Variants in IGFL2 observed in about 807,000 individuals in gnomAD.
The protein encoded by IGFL2 is insulin growth factor-like family member 2.
IGFL2 carries 7 observed loss-of-function variants against 13.9 expected under a neutral mutation model. The ratio of observed to expected loss-of-function variants is 0.51; its 90% CI spans 0.29 to 0.95. The LOEUF is 0.95. Among genes scored for constraint, IGFL2 ranks in the 40% least tolerant of loss-of-function variants. IGFL2 has a pLI of 0.08. For synonymous variants in IGFL2, 55 were observed against 55.8 expected (o/e 0.99, Z 0.07); for missense variants, 138 against 147.8 (o/e 0.93, Z 0.34).
intron 1 of IGFL2, among the ~76,000 whole-genome samples, chr19:46,153,672 T>C (rs920866148): frequency 3.3e-5 from 5 of 152,104 alleles, no homozygotes; most frequent in African/African-American, 1.2e-4. Context: ...CTTATATAAT[T>C]ACACAATTCT....
upstream of IGFL2, among the ~76,000 whole-genome samples, chr19:46,139,166 T>G (rs963690611): frequency 6.6e-6 from 1 of 151,758 alleles, no homozygotes; most frequent in Non-Finnish European, 1.5e-5. Context: ...GTGCAGGGTT[T>G]CCAGCTTCCT....
At chr19:46,133,872 T>C in the IGFL2 span, among the ~76,000 whole-genome samples, 26 of 152,262 alleles carry the variant, frequency 1.7e-4, 1 homozygote, top group South Asian at 5.0e-3. Flanking sequence ...GAAACTGACA[T>C]GAGGTCAAAA....
chr19:46,124,529 A>ATAATG, the IGFL2 span: 1 of 1,289,156 alleles, frequency 7.8e-7, no homozygotes, highest in Admixed American at 1.7e-5. Flanking sequence ...GGAGGCTGGA[A>ATAATG]TAATGTTAGA....
chr19:46,194,901 G>A, the IGFL2 span, among the ~76,000 whole-genome samples: 2 of 120,718 alleles, frequency 1.7e-5, no homozygotes, highest in African/African-American at 6.7e-5. Flanking sequence ...TTTGTTTTGA[G>A]ACAGGGTCTT....
intron 1 of IGFL2, among the ~76,000 whole-genome samples, chr19:46,151,444 C>G (rs528720143): frequency 1.3e-5 from 2 of 152,268 alleles, no homozygotes; most frequent in African/African-American, 4.8e-5. Flanking sequence ...TAGTTTTATT[C>G]ATTGATCTAT....
the IGFL2 span, among the ~76,000 whole-genome samples, chr19:46,184,041 T>C: frequency 1.3e-5 from 2 of 152,316 alleles, no homozygotes; most frequent in Admixed American, 6.5e-5. Context: ...TCAGCATATT[T>C]CTTAACTTTC....
chr19:46,187,611 A>T, the IGFL2 span, among the ~76,000 whole-genome samples: 3 of 102,644 alleles, frequency 2.9e-5, no homozygotes, highest in Admixed American at 9.6e-5. Context: ...AACCCGTTTA[A>T]ACCTGAGGTT....
chr19:46,158,710 C>G (rs567142211), intron 1 of IGFL2, among the ~76,000 whole-genome samples: 6 of 152,206 alleles, frequency 3.9e-5, no homozygotes, highest in African/African-American at 1.4e-4. Context: ...TCAAGAATAT[C>G]CAGATTCTTG....
At chr19:46,082,963 C>T in the IGFL2 span, among the ~76,000 whole-genome samples, 9 of 152,060 alleles carry the variant, frequency 5.9e-5, no homozygotes, top group Admixed American at 2.0e-4. Context: ...AGAAAACCTC[C>T]GATAAACATG....
At chr19:46,154,505 G>A (rs774014840) in intron 1 of IGFL2, among the ~76,000 whole-genome samples, 19 of 152,204 alleles carry the variant, frequency 1.2e-4, no homozygotes, top group Admixed American at 1.2e-3. Context: ...GTGCAGTGGC[G>A]CGATCTCAGC....
chr19:46,172,820 C>T, the IGFL2 span, among the ~76,000 whole-genome samples: 1 of 152,114 alleles, frequency 6.6e-6, no homozygotes, highest in African/African-American at 2.4e-5. Flanking sequence ...CAGGTTCATG[C>T]AATCCTACCA....
At chr19:46,206,537 G>A in the IGFL2 span, among the ~76,000 whole-genome samples, 1 of 152,206 alleles carries the variant, frequency 6.6e-6, no homozygotes, top group Admixed American at 6.5e-5. Flanking sequence ...TGATTTTTAA[G>A]AAAGATGGAG....
At chr19:46,105,779 G>C in the IGFL2 span, among the ~76,000 whole-genome samples, 1 of 152,218 alleles carries the variant, frequency 6.6e-6, no homozygotes, top group Non-Finnish European at 1.5e-5. Flanking sequence ...GCTGCACACA[G>C]AGATGAGGGC....
chr19:46,112,142 C>G, the IGFL2 span: 1 of 152,178 alleles, frequency 6.6e-6, no homozygotes, highest in Non-Finnish European at 1.5e-5. Context: ...AAGCTCCCAG[C>G]TAACTTTCAA....
At chr19:46,158,168 A>G (rs1973925143) in intron 1 of IGFL2, among the ~76,000 whole-genome samples, 1 of 152,178 alleles carries the variant, frequency 6.6e-6, no homozygotes, top group African/African-American at 2.4e-5. Context: ...GTAAAACTCA[A>G]CTAGTAAAGA....
At chr19:46,085,049 G>A in the IGFL2 span, among the ~76,000 whole-genome samples, 13 of 152,122 alleles carry the variant, frequency 8.5e-5, no homozygotes, top group Admixed American at 2.6e-4. Context: ...ACATACCATG[G>A]GAGTACAGCT....
At chr19:46,204,484 A>C in the IGFL2 span, among the ~76,000 whole-genome samples, 26 of 152,306 alleles carry the variant, frequency 1.7e-4, no homozygotes, top group South Asian at 4.6e-3. Context: ...CCAGGAAGCC[A>C]TGAGAATCCT....
At chr19:46,155,147 A>G (rs558869552) in intron 1 of IGFL2, among the ~76,000 whole-genome samples, 85 of 152,334 alleles carry the variant, frequency 5.6e-4, no homozygotes, top group African/African-American at 1.4e-3. Flanking sequence ...TAAACTTGGC[A>G]TGGAACTTCC....
downstream of IGFL2, among the ~76,000 whole-genome samples, chr19:46,165,810 G>T (rs1974374860): frequency 6.6e-6 from 1 of 152,224 alleles, no homozygotes; most frequent in South Asian, 2.1e-4. Context: ...AGCCGCCTGG[G>T]TTGTCTCTTC....
Sources: gnomAD v4.1 joint callset for allele counts (sites outside exome capture counted in the v4.1 genomes callset) on GRCh38, gnomAD v4.1.1 for gene constraint, MANE v1.5 for transcripts, NCBI Gene and HGNC (gene_info 2026-07-23, HGNC 2026-07-21) for gene names.